BLTP3A: variants seen among roughly 807,000 people sequenced by gnomAD.
BLTP3A encodes the protein ICBP90 binding protein 1.
At chr6:34,804,251 T>C in the BLTP3A span, among the ~76,000 whole-genome samples, 1 of 152,210 alleles carries the variant, frequency 6.6e-6, no homozygotes, top group African/African-American at 2.4e-5. Flanking sequence ...TAGTCTATCC[T>C]TTTTGTCAGC....
chr6:34,842,347 G>A, the BLTP3A span, among the ~76,000 whole-genome samples: 4 of 152,248 alleles, frequency 2.6e-5, no homozygotes, highest in East Asian at 3.9e-4. Flanking sequence ...TATTCATAGG[G>A]TTGTATAACG....
chr6:34,821,513 A>G, the BLTP3A span: 1 of 787,484 alleles, frequency 1.3e-6, no homozygotes, highest in Non-Finnish European at 2.0e-6. Context: ...GTGTTCCTTC[A>G]CTCCCACTGC....
At chr6:34,858,876 C>T in the BLTP3A span, 11 of 1,614,054 alleles carry the variant, frequency 6.8e-6, no homozygotes, top group Admixed American at 3.3e-5. Flanking sequence ...CTCTGCTTCG[C>T]CTGAAGGAGG....
chr6:34,859,097 G>A, the BLTP3A span: 18 of 1,614,064 alleles, frequency 1.1e-5, no homozygotes, highest in South Asian at 8.8e-5. Context: ...TCAGAGGATC[G>A]GGAACTGAAG....
chr6:34,873,519 C>G, the BLTP3A span: 1 of 152,180 alleles, frequency 6.6e-6, no homozygotes, highest in Admixed American at 6.5e-5. Flanking sequence ...GAAAAAAACA[C>G]AAAAATCCCT....
At chr6:34,868,666 G>A in the BLTP3A span, among the ~76,000 whole-genome samples, 1 of 151,670 alleles carries the variant, frequency 6.6e-6, no homozygotes, top group African/African-American at 2.4e-5. Flanking sequence ...GGAGGTTGCA[G>A]TGAGCCGAGA....
At chr6:34,823,709 GT>G in the BLTP3A span, among the ~76,000 whole-genome samples, 2 of 150,032 alleles carry the variant, frequency 1.3e-5, no homozygotes, top group African/African-American at 4.9e-5. Flanking sequence ...TGCCTGGCTA[GT>G]TTTTTGTAGC....
chr6:34,811,667 T>C, the BLTP3A span, among the ~76,000 whole-genome samples: 1 of 133,452 alleles, frequency 7.5e-6, no homozygotes, highest in Non-Finnish European at 1.5e-5. Flanking sequence ...CTGGCTAACA[T>C]GGTGAGACCC....
chr6:34,816,003 G>C, the BLTP3A span, among the ~76,000 whole-genome samples: 2 of 152,186 alleles, frequency 1.3e-5, no homozygotes, highest in African/African-American at 4.8e-5. Context: ...GAGGACCATA[G>C]TTTGAGATGC....
chr6:34,871,919 A>G, the BLTP3A span: 15 of 1,614,054 alleles, frequency 9.3e-6, no homozygotes, highest in South Asian at 1.6e-4. Context: ...AGGTTTTTGA[A>G]CAGCAGGTGA....
At chr6:34,802,901 C>T in the BLTP3A span, among the ~76,000 whole-genome samples, 9 of 152,036 alleles carry the variant, frequency 5.9e-5, no homozygotes, top group Admixed American at 6.6e-5. Context: ...AGAGGCTGGG[C>T]GCAGTGGCTT....
chr6:34,825,323 T>C, the BLTP3A span, among the ~76,000 whole-genome samples: 2 of 152,100 alleles, frequency 1.3e-5, no homozygotes, highest in African/African-American at 4.8e-5. Context: ...TTTTTCTTTT[T>C]TGAGATGGAG....
chr6:34,832,015 A>G, the BLTP3A span, among the ~76,000 whole-genome samples: 1 of 151,712 alleles, frequency 6.6e-6, no homozygotes, highest in Non-Finnish European at 1.5e-5. Flanking sequence ...GGGTTTCACC[A>G]TGTTGGCCAG....
the BLTP3A span, chr6:34,874,010 C>T: frequency 6.6e-6 from 1 of 152,136 alleles, no homozygotes; most frequent in Non-Finnish European, 1.5e-5. Flanking sequence ...ATTTTTGAAA[C>T]ACCAGTTACT....
the BLTP3A span, among the ~76,000 whole-genome samples, chr6:34,828,450 C>CAA: frequency 3.7e-5 from 2 of 54,380 alleles, no homozygotes; most frequent in Non-Finnish European, 7.6e-5. Flanking sequence ...GACTCCATCT[C>CAA]AAAAAAAAAA....
At chr6:34,845,580 G>A in the BLTP3A span, among the ~76,000 whole-genome samples, 1 of 151,768 alleles carries the variant, frequency 6.6e-6, no homozygotes, top group East Asian at 1.9e-4. Context: ...CACCATGCCT[G>A]GCTAATTTTT....
the BLTP3A span, among the ~76,000 whole-genome samples, chr6:34,833,626 T>C: frequency 6.6e-6 from 1 of 152,082 alleles, no homozygotes; most frequent in Non-Finnish European, 1.5e-5. Flanking sequence ...TAAAAAAAAA[T>C]TTCTCATTAA....
chr6:34,822,881 T>C, the BLTP3A span, among the ~76,000 whole-genome samples: 2 of 151,500 alleles, frequency 1.3e-5, no homozygotes, highest in South Asian at 4.2e-4. Flanking sequence ...TAGTTTGGGT[T>C]GACTGTTGGA....
chr6:34,834,424 G>A, the BLTP3A span: 1 of 1,611,288 alleles, frequency 6.2e-7, no homozygotes, highest in African/African-American at 1.3e-5. Context: ...CCCCATCATT[G>A]TGAAGGGAGA....
Sources: allele counts gnomAD v4.1 joint callset (sites outside exome capture counted in the v4.1 genomes callset), GRCh38; gene constraint gnomAD v4.1.1; transcripts MANE v1.5; gene names NCBI Gene and HGNC (gene_info 2026-07-23, HGNC 2026-07-21).